TTC6: variants seen among roughly 807,000 people sequenced by gnomAD.
The protein encoded by TTC6 is tetratricopeptide repeat protein 6.
TTC6 carries 172 observed loss-of-function variants against 210.4 expected under a neutral mutation model. The observed-to-expected ratio is 0.82, with a 90% CI of 0.72 to 0.93. TTC6 has a LOEUF of 0.93. Among genes scored for constraint, TTC6 ranks in the 40% least tolerant of loss-of-function variants. The probability of loss-of-function intolerance (pLI) is 0.00; values close to 1 mark genes in which losing one functional copy is unlikely to be tolerated. For missense variants in TTC6, 2,414 were observed against 2,318.1 expected, an observed-to-expected ratio of 1.04 and a Z score of -0.85; for synonymous variants, 804 against 819.6, an observed-to-expected ratio of 0.98 and a Z score of 0.32.
At chr14:37,793,696 G>A (rs568854136) in intron 17 of TTC6, among the ~76,000 whole-genome samples, 7 of 152,286 alleles carry the variant, frequency 4.6e-5, no homozygotes, top group African/African-American at 1.7e-4. Flanking sequence ...TGAGCACATA[G>A]AGAAATGGAA....
At chr14:37,747,360 G>T (rs551097234) in intron 10 of TTC6, among the ~76,000 whole-genome samples, 2 of 152,248 alleles carry the variant, frequency 1.3e-5, no homozygotes, top group Non-Finnish European at 2.9e-5. Context: ...TGATAAAGGA[G>T]AAATTTACAA....
At chr14:37,716,725 A>G (rs1420732968) in intron 6 of TTC6, among the ~76,000 whole-genome samples, 1 of 152,170 alleles carries the variant, frequency 6.6e-6, no homozygotes, top group Admixed American at 6.5e-5. Context: ...CAATTCCACA[A>G]TTATAGTTGG....
intron 4 of TTC6, among the ~76,000 whole-genome samples, chr14:37,697,086 CTGTT>C (rs927395208): frequency 2.6e-5 from 4 of 151,974 alleles, no homozygotes; most frequent in Non-Finnish European, 2.9e-5. Flanking sequence ...GAAAAAATAA[CTGTT>C]TGTGAGACTG....
chr14:37,732,205 G>C (rs12897413), intron 7 of TTC6, among the ~76,000 whole-genome samples: 60,298 of 113,768 alleles, frequency 0.53, 17,008 homozygotes, highest in African/African-American at 0.69. Context: ...TTTTTTGAGA[G>C]AGAGTCTCAC....
At chr14:37,597,365 G>A (rs2095606615) in intron 1 of TTC6, among the ~76,000 whole-genome samples, 1 of 151,942 alleles carries the variant, frequency 6.6e-6, no homozygotes, top group African/African-American at 2.4e-5. Flanking sequence ...ATAACACCGA[G>A]CAAGACTAGG....
At chr14:37,805,115 A>T (rs1277777332) in intron 21 of TTC6, among the ~76,000 whole-genome samples, 1 of 152,234 alleles carries the variant, frequency 6.6e-6, no homozygotes, top group Non-Finnish European at 1.5e-5. Context: ...TCACAGTAGT[A>T]TGAGTTCACT....
intron 4 of TTC6, among the ~76,000 whole-genome samples, chr14:37,697,199 T>C (rs1415759311): frequency 1.3e-5 from 2 of 152,072 alleles, no homozygotes; most frequent in Admixed American, 6.5e-5. Context: ...TTTTTTATGA[T>C]AAAATAAAAA....
chr14:37,638,151 A>G (rs1209568953), intron 1 of TTC6, among the ~76,000 whole-genome samples: 1 of 152,260 alleles, frequency 6.6e-6, no homozygotes, highest in Non-Finnish European at 1.5e-5. Context: ...GATACCTGCA[A>G]CAACTTGGAT....
At chr14:37,811,227 C>T (rs2096128858) in intron 24 of TTC6, among the ~76,000 whole-genome samples, 1 of 152,168 alleles carries the variant, frequency 6.6e-6, no homozygotes, top group African/African-American at 2.4e-5. Context: ...ACTGGTTTCA[C>T]ATAATGTGAC....
At chr14:37,597,135 G>C (rs1348853189) in intron 1 of TTC6, among the ~76,000 whole-genome samples, 1 of 151,962 alleles carries the variant, frequency 6.6e-6, no homozygotes, top group Admixed American at 6.6e-5. Flanking sequence ...GCCTGCTCCT[G>C]TGACTGCAAG....
In TTC6 at chr14:37,721,847, C is replaced by CATATATATATATATATAT. The variant is rs35265224; in HGVS notation, c.1714-3038_1714-3021dup. Reference sequence around the variant, plus strand: ...CATGCTTTGGCACTGTGAGTTTCACCATATATATATATATATATATATATA... The same window carrying CATATATATATATATATAT: ...CATGCTTTGGCACTGTGAGTTTCACCATATATATATATATATATATATATATATATATATATATATATA... On this transcript the variant is annotated intron_variant, in intron 6 of 30. Coordinates refer to ENST00000553443, the Ensembl canonical transcript of TTC6. 4.6e-3 allele frequency among the ~76,000 whole-genome samples: 536 copies of CATATATATATATATATAT among 117,216 alleles called. 4 individuals carry two copies. Among genetic ancestry groups the CATATATATATATATATAT allele is most frequent in the Non-Finnish European group, 6.9e-3 (391 of 56,338 alleles). The allele number at this position is 117,216 out of a possible 152,430, so 76.9% of individuals were successfully genotyped here.
chr14:37,635,080 T>G (rs910505877), intron 1 of TTC6, among the ~76,000 whole-genome samples: 1 of 152,232 alleles, frequency 6.6e-6, no homozygotes, highest in African/African-American at 2.4e-5. Context: ...CCTTCTCCTC[T>G]TGCGTTTTCT....
exon 20 of TTC6, chr14:37,796,820 T>C (rs552334399): frequency 6.2e-7 from 1 of 1,608,770 alleles, no homozygotes; most frequent in Non-Finnish European, 8.5e-7. Flanking sequence ...CAGCAAGCCC[T>C]TATTTATTCA....
At chr14:37,811,871 T>TCTTG (rs1231167778) in intron 24 of TTC6, among the ~76,000 whole-genome samples, 1 of 152,230 alleles carries the variant, frequency 6.6e-6, no homozygotes, top group Non-Finnish European at 1.5e-5. Flanking sequence ...CAGGCTTGAT[T>TCTTG]CTTGTTACTG....
Position 37,818,809 on chromosome 14 carries a change from A to G in TTC6, c.4763+1158A>G, listed in dbSNP as rs80041924. 7.6e-3 allele frequency among the ~76,000 whole-genome samples: 1,150 copies of G among 152,274 alleles called. 21 individuals are homozygous for G. Among genetic ancestry groups the G allele is most frequent in the African/African-American group, 0.026 (1,080 of 41,562 alleles). On this transcript the variant is annotated intron_variant, in intron 26 of 30. Transcript: ENST00000553443. Reference sequence around the variant, plus strand: ...TAATCCAGCAACCTTTGTACAATCTATCTCTTTAAGTAATTGTCATTCTTA... The same window carrying G: ...TAATCCAGCAACCTTTGTACAATCTGTCTCTTTAAGTAATTGTCATTCTTA...
At chr14:37,787,535 G>A in exon 15 of TTC6, 1 of 1,531,772 alleles carries the variant, frequency 6.5e-7, no homozygotes, top group Admixed American at 2.0e-5. Flanking sequence ...TTTTTCTGCT[G>A]CAATTCACTT....
chr14:37,651,587 A>G (rs913378480), intron 1 of TTC6, among the ~76,000 whole-genome samples: 1 of 151,966 alleles, frequency 6.6e-6, no homozygotes, highest in Non-Finnish European at 1.5e-5. Flanking sequence ...GTATGAAAAT[A>G]AAAGGAACAT....
At chr14:37,811,410 G>A (rs746892915) in intron 24 of TTC6, among the ~76,000 whole-genome samples, 7 of 151,994 alleles carry the variant, frequency 4.6e-5, no homozygotes, top group Non-Finnish European at 8.8e-5. Context: ...ACTTGAGCAC[G>A]CAACATTAGG....
At chr14:37,795,940 C>A (rs2096091726) in intron 18 of TTC6, among the ~76,000 whole-genome samples, 2 of 152,034 alleles carry the variant, frequency 1.3e-5, no homozygotes, top group South Asian at 2.1e-4. Flanking sequence ...CTTGCTTTGT[C>A]CTTGAACCAC....
Sources: allele counts gnomAD v4.1 joint callset (sites outside exome capture counted in the v4.1 genomes callset), GRCh38; gene constraint gnomAD v4.1.1; transcripts MANE v1.5; gene names NCBI Gene and HGNC (gene_info 2026-07-23, HGNC 2026-07-21).